RBMS3: variants seen among roughly 807,000 people sequenced by gnomAD.
The protein encoded by RBMS3 is RNA-binding motif, single-stranded-interacting protein 3.
In RBMS3, 27 loss-of-function variants were observed where a neutral mutation model predicts 66.8. The observed-to-expected ratio is 0.40, with a 90% CI of 0.30 to 0.56. The LOEUF (loss-of-function observed/expected upper bound fraction) is 0.56, where lower values mean the gene tolerates loss of function less well. Among genes scored for constraint, RBMS3 ranks in the 20% least tolerant of loss-of-function variants. The pLI, the probability that RBMS3 is intolerant of heterozygous loss-of-function variation, is 0.40. For missense variants in RBMS3, 513 were observed against 549.5 expected (o/e 0.93, Z 0.66); for synonymous variants, 188 against 183.0 (o/e 1.03, Z -0.22).
chr3:29,406,354 A>AT (rs2040016466), intron 1 of RBMS3, among the ~76,000 whole-genome samples: 1 of 152,170 alleles, frequency 6.6e-6, no homozygotes, highest in South Asian at 2.1e-4. Flanking sequence ...TTTTAAGGAG[A>AT]TTATTAAAAA....
intron 12 of RBMS3, among the ~76,000 whole-genome samples, chr3:29,952,882 T>G (rs1454528404): frequency 1.3e-5 from 2 of 151,876 alleles, no homozygotes; most frequent in South Asian, 4.1e-4. Flanking sequence ...AATATGAATT[T>G]TATTCATAAT....
intron 6 of RBMS3, among the ~76,000 whole-genome samples, chr3:29,826,342 G>T (rs571780097): frequency 6.6e-6 from 1 of 152,060 alleles, no homozygotes; most frequent in Non-Finnish European, 1.5e-5. Context: ...CCTTTTTTAT[G>T]TATTTCTACA....
At chr3:29,859,972 C>G (rs1234240155) in intron 6 of RBMS3, among the ~76,000 whole-genome samples, 1 of 152,144 alleles carries the variant, frequency 6.6e-6, no homozygotes, top group Non-Finnish European at 1.5e-5. Flanking sequence ...AGAAAGTGGA[C>G]GTTTCCTAAC....
In RBMS3 at chr3:29,448,903, CTGAA is replaced by C. The variant is rs1209017685; in HGVS notation, c.248+13992_248+13995del. The stretch of plus-strand genomic sequence containing the variant: ...ACTTACTGACATTTACTGCAAGTGA[CTGAA>C]TGAGAACTCAAACCCAGACATTACA... On this transcript the variant is annotated intron_variant, in intron 2 of 14. Transcript: ENST00000383767. Among the ~76,000 whole-genome samples, 8 of 152,178 alleles carry C rather than the reference CTGAA, an allele frequency of 5.3e-5. No individual in the cohort carries two copies. The South Asian group carries it at 1.0e-3, about 20-fold the overall frequency.
At chr3:29,730,236 A>G (rs1418309414) in intron 4 of RBMS3, among the ~76,000 whole-genome samples, 1 of 141,772 alleles carries the variant, frequency 7.1e-6, no homozygotes, top group East Asian at 2.1e-4. Context: ...GCCTTAATAT[A>G]TATGACACAG....
At chr3:29,780,026 CA>C (rs2056573041) in intron 6 of RBMS3, among the ~76,000 whole-genome samples, 1 of 151,516 alleles carries the variant, frequency 6.6e-6, no homozygotes, top group African/African-American at 2.4e-5. Flanking sequence ...GGAAAGGAAT[CA>C]AGGAATATTC....
In RBMS3 at chr3:29,957,101, T is replaced by TG. The variant is rs1025070931; in HGVS notation, c.1098+12849dup. On this transcript the variant is annotated intron_variant, in intron 12 of 14. Transcript: ENST00000383767. ...ATTGTCTCAAATGTTTTCTTCTTCTTGGAAGGTTGCCTTATCCTTTTGTCT... is the reference window on the plus strand; with the variant it reads ...ATTGTCTCAAATGTTTTCTTCTTCTTGGGAAGGTTGCCTTATCCTTTTGTCT... Among the ~76,000 whole-genome samples the TG allele has an allele frequency of 2.6e-4, 40 of 152,234 alleles. 2 individuals carry two copies. Among genetic ancestry groups the TG allele is most frequent in the African/African-American group, 9.6e-4 (40 of 41,576 alleles).
intron 11 of RBMS3, among the ~76,000 whole-genome samples, chr3:29,936,425 G>GT (rs1255458910): frequency 6.6e-6 from 1 of 152,016 alleles, no homozygotes; most frequent in Non-Finnish European, 1.5e-5. Flanking sequence ...GTTACTTCTT[G>GT]TTTTTTATGG....
At chr3:29,809,198 T>C (rs2371830) in intron 6 of RBMS3, among the ~76,000 whole-genome samples, 76,236 of 151,572 alleles carry the variant, frequency 0.5, 20,030 homozygotes, top group African/African-American at 0.58. Flanking sequence ...TAATAATTTA[T>C]CTAAAAATCC....
intron 6 of RBMS3, chr3:29,767,396 T>C (rs1303821574): frequency 6.7e-6 from 1 of 150,136 alleles, no homozygotes; most frequent in East Asian, 2.0e-4. Flanking sequence ...CTTTCCTTAC[T>C]CTTTACATAA....
intron 6 of RBMS3, among the ~76,000 whole-genome samples, chr3:29,810,012 TTTGC>T (rs1400564829): frequency 6.6e-6 from 1 of 152,104 alleles, no homozygotes; most frequent in Non-Finnish European, 1.5e-5. Flanking sequence ...TTTTAAGGAA[TTTGC>T]TTGCATTCTT....
chr3:29,710,901 A>G (rs2053134510), intron 4 of RBMS3, among the ~76,000 whole-genome samples: 1 of 152,176 alleles, frequency 6.6e-6, no homozygotes, highest in South Asian at 2.1e-4. Context: ...TTATACAGCC[A>G]TTACTATACA....
At chr3:29,903,442 T>A (rs745943717) in intron 10 of RBMS3, among the ~76,000 whole-genome samples, 8 of 152,026 alleles carry the variant, frequency 5.3e-5, no homozygotes, top group Non-Finnish European at 8.8e-5. Flanking sequence ...ACGTCTATAC[T>A]GCATGCTGAA....
intron 3 of RBMS3, among the ~76,000 whole-genome samples, chr3:29,568,731 T>G (rs985204711): frequency 6.6e-6 from 1 of 152,330 alleles, no homozygotes; most frequent in South Asian, 2.1e-4. Flanking sequence ...GAAATACACT[T>G]ATCTCTCATG....
rs1365528486 is a variant in RBMS3 at position 30,006,774 on chromosome 3, T to A, written c.*2912T>A. 2 of 152,044 alleles carry A rather than the reference T, an allele frequency of 1.3e-5. No homozygotes were observed. Among genetic ancestry groups the A allele is most frequent in the African/African-American group, 4.8e-5 (2 of 41,436 alleles). 9.4% of individuals were successfully genotyped at this position (152,044 alleles called of 1,614,324 possible). A position where few individuals can be genotyped will look rare whatever the true frequency, so the allele number is the denominator to read the frequency against. On this transcript the variant is annotated 3_prime_UTR_variant, in exon 15 of 15. Transcript: ENST00000383767. ...GTATTAATGTGATACAAAGAAAGTC[T>A]CATTCACACAATCAACAATGAGGCT...
intron 1 of RBMS3, among the ~76,000 whole-genome samples, chr3:29,356,603 T>C (rs2037235919): frequency 1.3e-5 from 2 of 152,196 alleles, no homozygotes; most frequent in Admixed American, 1.3e-4. Flanking sequence ...GAAAATAGCA[T>C]AGCCACTGTA....
chr3:29,281,285 T>C lies in RBMS3; in HGVS notation c.-397T>C. The C allele has an allele frequency of 5.8e-6, 1 of 172,560 alleles. No homozygotes were observed. Among genetic ancestry groups the C allele is most frequent in the Non-Finnish European group, 1.1e-5 (1 of 88,058 alleles). 10.7% of individuals were successfully genotyped at this position (172,560 alleles called of 1,614,324 possible). On this transcript the variant is annotated 5_prime_UTR_variant, in exon 1 of 15. Coordinates refer to ENST00000383767, the MANE Select transcript of RBMS3 (RefSeq NM_001003793.3). ...GAGACAGGAAGCTGATCTGCAAGGATTCGGAGTTGTGCTAAAAGGACTTTG... is the reference window on the plus strand; with the variant it reads ...GAGACAGGAAGCTGATCTGCAAGGACTCGGAGTTGTGCTAAAAGGACTTTG...
At position 29,897,460 on chromosome 3, in the gene RBMS3, T is replaced by C. The variant is rs13082446; in HGVS notation, c.873T>C (p.Pro291=). 2.5e-6 allele frequency: 4 copies of C among 1,610,662 alleles called. No individual in the cohort carries two copies. Among genetic ancestry groups the C allele is most frequent in the African/African-American group, 2.7e-5 (2 of 74,628 alleles). ...TCACGCCATTCATTGCTGCTTCCCC[T>C]GTCTCCACATACCAGGTATGTCCAA... ...TSITPFIAAS[P]VSTYQVQSTS... is the part of the protein sequence containing the mutation. The change falls in exon 9 of 15, where the codon CCT becomes CCC. Residue 291 remains proline, a synonymous_variant. Transcript: ENST00000383767.
At chr3:29,953,613 A>C (rs1357899565) in intron 12 of RBMS3, among the ~76,000 whole-genome samples, 3 of 152,078 alleles carry the variant, frequency 2.0e-5, no homozygotes, top group East Asian at 1.9e-4. Context: ...TTCATCACAT[A>C]GTATGTATTC....
Sources: gnomAD v4.1 joint callset for allele counts (sites outside exome capture counted in the v4.1 genomes callset) on GRCh38, gnomAD v4.1.1 for gene constraint, MANE v1.5 for transcripts, NCBI Gene and HGNC (gene_info 2026-07-23, HGNC 2026-07-21) for gene names.